TEX9: variants seen among roughly 807,000 people sequenced by gnomAD.
TEX9 encodes testis-expressed protein 9.
A neutral mutation model predicts 59.6 loss-of-function variants in TEX9; 74 were observed. That is an observed-to-expected ratio of 1.24 (90% CI 1.03 to 1.51). TEX9 has a LOEUF of 1.51. Among genes scored for constraint, TEX9 ranks in the 40% most tolerant of loss-of-function variants. The pLI is 0.00. For missense variants in TEX9, 522 were observed against 447.8 expected (o/e 1.17, Z -1.49); for synonymous variants, 186 against 152.2 (o/e 1.22, Z -1.64).
chr15:56,302,218 T>C (rs763226046), intron 1 of TEX9, among the ~76,000 whole-genome samples: 22 of 152,012 alleles, frequency 1.4e-4, no homozygotes, highest in Non-Finnish European at 2.6e-4. Flanking sequence ...CTGGGCACAG[T>C]GGCTCATGCC....
At chr15:56,277,089 T>A (rs1028501779) in intron 1 of TEX9, among the ~76,000 whole-genome samples, 2 of 152,190 alleles carry the variant, frequency 1.3e-5, no homozygotes, top group African/African-American at 4.8e-5. Context: ...GATGGATAGA[T>A]TGCAACAATT....
intron 3 of TEX9, among the ~76,000 whole-genome samples, chr15:56,379,049 GTT>G (rs2047593194): frequency 7.4e-6 from 1 of 135,292 alleles, no homozygotes; most frequent in African/African-American, 2.9e-5. Context: ...GGGCAACAGA[GTT>G]TCTCTCTATC....
intron 12 of TEX9, among the ~76,000 whole-genome samples, chr15:56,439,860 CAGAA>C (rs1440030643): frequency 6.7e-6 from 1 of 149,710 alleles, no homozygotes; most frequent in East Asian, 1.9e-4. Flanking sequence ...AGAGTTGACA[CAGAA>C]AGCATGATCC....
At chr15:56,306,690 A>G (rs1315232441) in intron 1 of TEX9, among the ~76,000 whole-genome samples, 1 of 152,198 alleles carries the variant, frequency 6.6e-6, no homozygotes, top group South Asian at 2.1e-4. Context: ...TTTATAGTAC[A>G]ACAAGGTGAT....
chr15:56,339,686 A>G (rs186451810), intron 1 of TEX9, among the ~76,000 whole-genome samples: 127 of 152,120 alleles, frequency 8.3e-4, no homozygotes, highest in Non-Finnish European at 1.4e-3. Flanking sequence ...CCCCCCGCCA[A>G]TTTATATGTT....
At chr15:56,386,664 A>G (rs1345023987) in intron 4 of TEX9, among the ~76,000 whole-genome samples, 1 of 152,038 alleles carries the variant, frequency 6.6e-6, no homozygotes, top group Non-Finnish European at 1.5e-5. Context: ...GTGATATTCT[A>G]TGAAAAATAG....
chr15:56,341,460 T>G (rs999241657), intron 1 of TEX9, among the ~76,000 whole-genome samples: 2 of 152,132 alleles, frequency 1.3e-5, no homozygotes, highest in African/African-American at 4.8e-5. Flanking sequence ...TGGCCAGCGG[T>G]GAGTCACCTC....
intron 10 of TEX9, among the ~76,000 whole-genome samples, chr15:56,416,659 C>A (rs1250872817): frequency 2.6e-5 from 4 of 151,472 alleles, no homozygotes; most frequent in Non-Finnish European, 5.9e-5. Flanking sequence ...AGGATATTGG[C>A]CTGAAGTTTT....
chr15:56,419,297 C>A (rs1214278776), intron 10 of TEX9, among the ~76,000 whole-genome samples: 1 of 151,834 alleles, frequency 6.6e-6, no homozygotes, highest in Non-Finnish European at 1.5e-5. Context: ...TTTCTACAGA[C>A]CTTTTCTGTA....
intron 1 of TEX9, among the ~76,000 whole-genome samples, chr15:56,346,399 C>T: frequency 6.6e-6 from 1 of 152,122 alleles, no homozygotes; most frequent in South Asian, 2.1e-4. Context: ...GGCAGGATTG[C>T]AAATGGTGTT....
At position 56,278,803 on chromosome 15, in the gene TEX9, GT is replaced by G. The variant is rs5812832; in HGVS notation, c.-107+34536del. Among the ~76,000 whole-genome samples the G allele has an allele frequency of 4.3e-4, 64 of 148,378 alleles. 1 individual carries two copies. The highest frequency in any genetic ancestry group is 5.1e-4 in the Non-Finnish European group (34 of 66,976). Reference sequence around the variant, plus strand: ...CAACCTCAGCTACCAAGAGATCCACGTTTTTTTTTTTCCTCACCCACTCAGT... The same window carrying G: ...CAACCTCAGCTACCAAGAGATCCACGTTTTTTTTTTCCTCACCCACTCAGT... On this transcript the variant is annotated intron_variant, in intron 1 of 5. Coordinates refer to the TEX9 transcript ENST00000560827.
At chr15:56,329,316 A>T (rs2141753613) in intron 1 of TEX9, among the ~76,000 whole-genome samples, 1 of 152,290 alleles carries the variant, frequency 6.6e-6, no homozygotes, top group African/African-American at 2.4e-5. Flanking sequence ...AGTATGGATA[A>T]AGAAGCCCAG....
At chr15:56,279,282 A>G (rs1412470398) in intron 1 of TEX9, among the ~76,000 whole-genome samples, 1 of 152,224 alleles carries the variant, frequency 6.6e-6, no homozygotes, top group Admixed American at 6.5e-5. Context: ...TGAATGACAT[A>G]TAGGAGGCTT....
intron 3 of TEX9, among the ~76,000 whole-genome samples, chr15:56,375,953 C>G (rs897156424): frequency 1.3e-5 from 2 of 151,494 alleles, no homozygotes; most frequent in African/African-American, 2.4e-5. Flanking sequence ...TCATCATTCT[C>G]AGTAAACTAT....
At chr15:56,300,623 C>T (rs1402023942) in intron 1 of TEX9, among the ~76,000 whole-genome samples, 8 of 150,874 alleles carry the variant, frequency 5.3e-5, no homozygotes, top group South Asian at 4.2e-4. Flanking sequence ...TGACCCAGCA[C>T]GTTCCCAGTG....
Position 56,392,522 on chromosome 15 carries a change from C to T in TEX9, c.571+1104C>T, listed in dbSNP as rs1202173479. ...TCCATTCACCTCCCACCAGGCCCCA[C>T]CTCCAACACTGGGGATTACAATTCA... On this transcript the variant is annotated intron_variant, in intron 7 of 12. Coordinates refer to ENST00000352903, the Ensembl canonical transcript of TEX9. 2.0e-5 allele frequency among the ~76,000 whole-genome samples: 3 copies of T among 152,156 alleles called. No individual in the cohort carries two copies. The East Asian group carries it at 5.8e-4, about 29-fold the overall frequency.
chr15:56,346,477 A>G (rs1241158498), intron 1 of TEX9, among the ~76,000 whole-genome samples: 3 of 152,202 alleles, frequency 2.0e-5, no homozygotes, highest in Admixed American at 6.5e-5. Context: ...CTGCACAAAA[A>G]GAAGCACTTA....
intron 12 of TEX9, chr15:56,429,351 A>AAAT (rs1314441847): frequency 3.6e-6 from 2 of 563,050 alleles, no homozygotes; most frequent in African/African-American, 3.9e-5. Context: ...ACTTTTCAAA[A>AAAT]AATAAGACTT....
chr15:56,425,828 T>G (rs1181593001), intron 10 of TEX9, among the ~76,000 whole-genome samples: 1 of 152,152 alleles, frequency 6.6e-6, no homozygotes, highest in African/African-American at 2.4e-5. Context: ...AAACAGCCAC[T>G]TCTCCCAGTC....
Sources: allele counts gnomAD v4.1 joint callset (sites outside exome capture counted in the v4.1 genomes callset), GRCh38; gene constraint gnomAD v4.1.1; transcripts MANE v1.5; gene names NCBI Gene and HGNC (gene_info 2026-07-23, HGNC 2026-07-21).